DOK6: variants seen among roughly 807,000 people sequenced by gnomAD.
DOK6 encodes the protein downstream of tyrosine kinase 6.
In DOK6, 22 loss-of-function variants were observed where a neutral mutation model predicts 44.0. The observed-to-expected ratio is 0.50, with a 90% CI of 0.36 to 0.71. The LOEUF (loss-of-function observed/expected upper bound fraction) is 0.71, where lower values mean the gene tolerates loss of function less well. DOK6 is among the 30% of genes least tolerant of loss of function. DOK6 has a pLI of 0.00. For synonymous variants in DOK6, 166 were observed against 145.5 expected (o/e 1.14, Z -1.01); for missense variants, 340 against 416.4 (o/e 0.82, Z 1.60).
intron 7 of DOK6, among the ~76,000 whole-genome samples, chr18:69,826,538 T>C (rs1855154084): frequency 1.3e-5 from 2 of 152,198 alleles, no homozygotes; most frequent in African/African-American, 2.4e-5. Flanking sequence ...TAAACCCACC[T>C]AGAAAAGTGT....
At chr18:69,776,301 T>C (rs80154481) in intron 7 of DOK6, among the ~76,000 whole-genome samples, 4,724 of 151,996 alleles carry the variant, frequency 0.031, 133 homozygotes, top group East Asian at 0.092. Flanking sequence ...GTGTATAAAA[T>C]AATCAAGAGC....
intron 1 of DOK6, among the ~76,000 whole-genome samples, chr18:69,507,288 A>G (rs192874728): frequency 2.2e-4 from 33 of 152,186 alleles, no homozygotes; most frequent in African/African-American, 7.5e-4. Flanking sequence ...CGGCCTCCCA[A>G]AGTGCTGGGA....
intron 7 of DOK6, among the ~76,000 whole-genome samples, chr18:69,805,826 T>C (rs1981037527): frequency 6.6e-6 from 1 of 152,084 alleles, no homozygotes; most frequent in African/African-American, 2.4e-5. Context: ...GTGGTACGAG[T>C]ATACAAATAA....
At chr18:69,438,997 G>A (rs1280539456) in intron 1 of DOK6, among the ~76,000 whole-genome samples, 2 of 152,090 alleles carry the variant, frequency 1.3e-5, no homozygotes, top group African/African-American at 4.8e-5. Context: ...TCTGGAGCCT[G>A]GGAGATGGAG....
Position 69,411,023 on chromosome 18 carries a change from G to T in DOK6, c.66+9713G>T, listed in dbSNP as rs140902989. Among the ~76,000 whole-genome samples, 4 of 152,190 alleles carry T rather than the reference G, an allele frequency of 2.6e-5. No individual in the cohort carries two copies. In the East Asian group the frequency reaches 7.7e-4, roughly 29 times the overall value. On this transcript the variant is annotated intron_variant, in intron 1 of 7. Coordinates refer to ENST00000382713, the MANE Select transcript of DOK6 (RefSeq NM_152721.6). ...TCTTTGTTTCCTACTTAAAGAGATAGGGCATAGATGGATAGATGGGGGGAG... is the reference window on the plus strand; with the variant it reads ...TCTTTGTTTCCTACTTAAAGAGATATGGCATAGATGGATAGATGGGGGGAG...
chr18:69,498,921 A>C (rs140609004), intron 1 of DOK6, among the ~76,000 whole-genome samples: 395 of 152,306 alleles, frequency 2.6e-3, no homozygotes, highest in African/African-American at 8.9e-3. Flanking sequence ...ATAAAAGAGA[A>C]AATATTTAAA....
At chr18:69,485,941 C>CT (rs1255397625) in intron 1 of DOK6, among the ~76,000 whole-genome samples, 11 of 150,358 alleles carry the variant, frequency 7.3e-5, no homozygotes, top group Admixed American at 7.3e-4. Flanking sequence ...TAAAACTAAG[C>CT]TTTTTTATTA....
intron 3 of DOK6, among the ~76,000 whole-genome samples, chr18:69,637,734 CTCT>C (rs1984841059): frequency 2.5e-5 from 1 of 39,950 alleles, no homozygotes; most frequent in African/African-American, 4.5e-5. Flanking sequence ...AATATTCTCT[CTCT>C]TTTTTTTTAA....
chr18:69,708,658 G>A (rs1986689577), intron 5 of DOK6, among the ~76,000 whole-genome samples: 2 of 151,800 alleles, frequency 1.3e-5, no homozygotes, highest in Admixed American at 6.6e-5. Flanking sequence ...GGTGGCGGAC[G>A]CCAGTGTCCC....
At chr18:69,638,274 CCA>C (rs923047076) in intron 3 of DOK6, among the ~76,000 whole-genome samples, 20 of 152,200 alleles carry the variant, frequency 1.3e-4, no homozygotes, top group Admixed American at 1.2e-3. Context: ...AGGCTGTGAG[CCA>C]CAGTTTGCCA....
chr18:69,654,231 G>C (rs1396768832), intron 3 of DOK6, among the ~76,000 whole-genome samples: 1 of 152,184 alleles, frequency 6.6e-6, no homozygotes, highest in Non-Finnish European at 1.5e-5. Flanking sequence ...TAACATACTT[G>C]TAATTGGAGT....
intron 7 of DOK6, among the ~76,000 whole-genome samples, chr18:69,760,241 T>G (rs1355282119): frequency 1.3e-5 from 2 of 152,122 alleles, no homozygotes; most frequent in Non-Finnish European, 2.9e-5. Flanking sequence ...CAGGGTAGAA[T>G]AAAACTATTG....
intron 3 of DOK6, among the ~76,000 whole-genome samples, chr18:69,675,381 AT>A (rs1985897664): frequency 6.6e-6 from 1 of 152,176 alleles, no homozygotes; most frequent in Non-Finnish European, 1.5e-5. Context: ...TAACGTTCTG[AT>A]TTTTACTCCC....
At chr18:69,815,211 T>C (rs1981363684) in intron 7 of DOK6, among the ~76,000 whole-genome samples, 1 of 152,112 alleles carries the variant, frequency 6.6e-6, no homozygotes, top group South Asian at 2.1e-4. Flanking sequence ...CACATCCTCC[T>C]GTGAGATAAG....
intron 3 of DOK6, among the ~76,000 whole-genome samples, chr18:69,612,094 G>A (rs527620076): frequency 1.3e-5 from 2 of 152,194 alleles, no homozygotes; most frequent in Admixed American, 1.3e-4. Flanking sequence ...AATGTACACA[G>A]GATGTCTCTA....
At chr18:69,471,591 T>G (rs1980113367) in intron 1 of DOK6, 2 of 151,682 alleles carry the variant, frequency 1.3e-5, no homozygotes, top group African/African-American at 2.4e-5. Context: ...TTTTGTTTTT[T>G]TTTTTTTGTA....
intron 2 of DOK6, among the ~76,000 whole-genome samples, chr18:69,581,395 C>T (rs1339888081): frequency 6.6e-6 from 1 of 152,220 alleles, no homozygotes; most frequent in Admixed American, 6.5e-5. Context: ...CGTGCTTACA[C>T]TGTCATTTTA....
At chr18:69,562,699 A>G in intron 1 of DOK6, among the ~76,000 whole-genome samples, 1 of 152,336 alleles carries the variant, frequency 6.6e-6, no homozygotes, top group African/African-American at 2.4e-5. Context: ...TAAAAACCCT[A>G]GAAGAAAACC....
At chr18:69,836,705 G>C (rs1284260487) in intron 7 of DOK6, among the ~76,000 whole-genome samples, 1 of 152,128 alleles carries the variant, frequency 6.6e-6, no homozygotes, top group African/African-American at 2.4e-5. Context: ...GGGTGATCTG[G>C]AGGAAAAGTT....
Sources: gnomAD v4.1 joint callset for allele counts (sites outside exome capture counted in the v4.1 genomes callset) on GRCh38, gnomAD v4.1.1 for gene constraint, MANE v1.5 for transcripts, NCBI Gene and HGNC (gene_info 2026-07-23, HGNC 2026-07-21) for gene names.